Variants in ZNF12 observed in about 807,000 individuals in gnomAD.
ZNF12 encodes gonadotropin inducible transcription repressor 3.
ZNF12 carries 34 observed loss-of-function variants against 66.6 expected under a neutral mutation model. The ratio of observed to expected loss-of-function variants is 0.51; its 90% CI spans 0.39 to 0.68. The LOEUF (loss-of-function observed/expected upper bound fraction) is 0.68. Among genes scored for constraint, ZNF12 ranks in the 30% least tolerant of loss-of-function variants. The pLI, the probability that ZNF12 is intolerant of heterozygous loss-of-function variation, is 0.00. For synonymous variants in ZNF12, 320 were observed against 278.9 expected, an observed-to-expected ratio of 1.15 and a Z score of -1.47; for missense variants, 697 against 826.9, an observed-to-expected ratio of 0.84 and a Z score of 1.93.
Position 6,692,049 on chromosome 7 carries a change from T to G in ZNF12, c.893A>C (p.Glu298Ala). 6.2e-7 allele frequency: 1 copy of G among 1,613,706 alleles called. No homozygotes were observed. Among genetic ancestry groups the G allele is most frequent in the African/African-American group, 1.3e-5 (1 of 75,022 alleles). The change falls in exon 5 of 5, where the codon GAA becomes GCA. Residue 298 changes from glutamate to alanine, a missense_variant. Glu to Ala is a moderately radical substitution (Grantham distance 107, BLOSUM62 -1). This residue lies in a region of ZNF12 where 401 missense variants were observed against 519.0 expected (regional missense o/e 0.77). Coordinates refer to ENST00000405858, the MANE Select transcript of ZNF12 (RefSeq NM_016265.4). This position sits in a 1 kb window ranked among gnomAD's most constrained non-coding sequence, Gnocchi z 5.1. ...QRTHTGEKPY[E>A]CNQCGKSFCQ... ...GAAGGATTTCCCACACTGATTACATTCGTAAGGTTTCTCTCCTGTGTGAGT... is the reference window on the plus strand; with the variant it reads ...GAAGGATTTCCCACACTGATTACATGCGTAAGGTTTCTCTCCTGTGTGAGT...
Position 6,690,891 on chromosome 7 carries a change from C to T in ZNF12, c.2051G>A (p.Arg684Lys). The change falls in exon 5 of 5, where the codon AGG becomes AAG. Residue 684 changes from arginine (R) to lysine (K), a missense_variant. Arg to Lys is a conservative substitution (Grantham distance 26). This residue lies in a region of ZNF12 where 401 missense variants were observed against 519.0 expected (regional missense o/e 0.77). Transcript: ENST00000405858. ...ATCTATTACATTCATATTGCCTCTCCTATGAATTCTCTGATGGCTGTTGAA... is the reference window on the plus strand; with the variant it reads ...ATCTATTACATTCATATTGCCTCTCTTATGAATTCTCTGATGGCTGTTGAA... The part of the protein sequence containing the change: ...SAFNSHQRIH[R>K]RGNMNVIDVG... 1 of 1,613,798 alleles carries T rather than the reference C, an allele frequency of 6.2e-7. No individual in the cohort carries two copies. Among genetic ancestry groups the T allele is most frequent in the Non-Finnish European group, 8.5e-7 (1 of 1,179,836 alleles).
Position 6,697,803 on chromosome 7 carries a change from C to G in ZNF12, c.24G>C (p.Val8=). 6.2e-7 allele frequency: 1 copy of G among 1,614,150 alleles called. No homozygotes were observed. The highest frequency in any genetic ancestry group is 8.5e-7 in the Non-Finnish European group (1 of 1,180,040). The change falls in exon 3 of 5, where the codon GTG becomes GTC. Residue 8 remains valine, a synonymous_variant. Coordinates refer to ENST00000405858, the MANE Select transcript of ZNF12 (RefSeq NM_016265.4). This position sits in a 1 kb window ranked among gnomAD's most constrained non-coding sequence, Gnocchi z 6.1. Reference sequence around the variant, plus strand: ...AGTCCACAGCCACGTCCTTGAATGACACTGGCCCCTGAAATGGCACCGTGA... The same window carrying G: ...AGTCCACAGCCACGTCCTTGAATGAGACTGGCCCCTGAAATGGCACCGTGA... MNKSLGP[V]SFKDVAVDFT... is the part of the protein sequence containing the mutation.
rs530988016 is a variant in ZNF12, at chr7:6,705,180, C to T, written c.-7G>A. The T allele has an allele frequency of 6.2e-7, 1 of 1,613,610 alleles. No individual in the cohort carries two copies. The highest frequency in any genetic ancestry group is 8.5e-7 in the Non-Finnish European group (1 of 1,179,670). On this transcript the variant is annotated 5_prime_UTR_variant, in exon 2 of 5. Coordinates refer to ENST00000405858, the MANE Select transcript of ZNF12 (RefSeq NM_016265.4). This position sits in a 1 kb window ranked among gnomAD's most constrained non-coding sequence, Gnocchi z 4.0. ...TCACCAGGGATTTATTCATTTTCTG[C>T]TGCTCTTGGAAAAATCTGGAGGACT...
At position 6,697,658 on chromosome 7, in the gene ZNF12, G is replaced by A. The variant is rs948492252; in HGVS notation, c.142+27C>T. On this transcript the variant is annotated intron_variant, in intron 3 of 4. Transcript: ENST00000405858. This position sits in a 1 kb window ranked among gnomAD's most constrained non-coding sequence, Gnocchi z 6.1. Reference sequence around the variant, plus strand: ...TTTGTGAGAAATCCCATATATTTTAGCAACTGAGAAAGCAAGCTATCCTCA... The same window carrying A: ...TTTGTGAGAAATCCCATATATTTTAACAACTGAGAAAGCAAGCTATCCTCA... The A allele has an allele frequency of 3.1e-6, 5 of 1,612,760 alleles. No individual in the cohort carries two copies. The African/African-American group carries it at 5.3e-5, about 17-fold the overall frequency.
chr7:6,699,700 A>G (rs568123527), intron 2 of ZNF12, among the ~76,000 whole-genome samples: 16 of 152,188 alleles, frequency 1.1e-4, no homozygotes, highest in Non-Finnish European at 2.2e-4. Flanking sequence ...GGTTTCCTTT[A>G]TTCAAGTGGT....
In ZNF12 at chr7:6,692,336, A is replaced by C. The variant is rs1014365223; in HGVS notation, c.606T>G (p.Asn202Lys). The C allele has an allele frequency of 6.2e-7, 1 of 1,609,644 alleles. No individual in the cohort carries two copies. Residue 202 changes from asparagine to lysine, a missense_variant, in exon 5 of 5, where the codon AAT (asparagine) becomes AAG (lysine). Transcript: ENST00000405858. This position sits in a 1 kb window ranked among gnomAD's most constrained non-coding sequence, Gnocchi z 5.1. ...GAATTTTCTGATAAAGACTTTCTTC[A>C]TTTAGAGTATAAGGTTCCCCATTTT... ...FNQNGEPYTLNEESLYQKIRI... is the reference protein window; with the variant it reads ...FNQNGEPYTLKEESLYQKIRI...
chr7:6,690,650 T>C lies in ZNF12; in HGVS notation c.*198A>G. The stretch of plus-strand genomic sequence containing the variant: ...TTTATAAATTTTTACTTGTCTATAG[T>C]CTAGTATTGTTATACCATGTGGTCT... On this transcript the variant is annotated 3_prime_UTR_variant, in exon 5 of 5. Transcript: ENST00000405858. The C allele has an allele frequency of 1.8e-6, 1 of 561,808 alleles. No individual in the cohort carries two copies. Among genetic ancestry groups the C allele is most frequent in the South Asian group, 2.7e-5 (1 of 37,046 alleles). The allele number at this position is 561,808 out of a possible 1,614,324, so 34.8% of individuals were successfully genotyped here.
chr7:6,697,967 G>A lies in ZNF12; in HGVS notation c.16-156C>T, dbSNP rs983958778. 1.1e-6 allele frequency: 1 copy of A among 942,800 alleles called. No individual in the cohort carries two copies. Among genetic ancestry groups the A allele is most frequent in the South Asian group, 1.3e-5 (1 of 77,230 alleles). 58.4% of individuals were successfully genotyped at this position (942,800 alleles called of 1,614,324 possible). ...GAAACAAACATATCAGAAATACACT[G>A]TTCTGGGGTTCATTCAGTATACATC... On this transcript the variant is annotated intron_variant, in intron 2 of 4. Coordinates refer to ENST00000405858, the MANE Select transcript of ZNF12 (RefSeq NM_016265.4). The surrounding 1 kb of genome is among the most constrained non-coding windows in gnomAD (Gnocchi z 6.1).
rs1780063041 is a variant in ZNF12 at position 6,691,258 on chromosome 7, A to C, written c.1684T>G (p.Ser562Ala). The change falls in exon 5 of 5, where the codon TCA becomes GCA. Residue 562 changes from serine (S) to alanine (A), a missense_variant. By Grantham distance (99) the Ser-to-Ala change is moderately conservative (BLOSUM62 1). Around this residue, in one of 3 missense-constraint regions of ZNF12, gnomAD observed 401 missense variants for 519.0 expected, o/e 0.77. Transcript: ENST00000405858. The part of the protein sequence containing the change: ...YICGKFFSQM[S>A]YLTIHHRIHS... ...ATTCTATGATGTATAGTGAGGTATG[A>C]CATCTGAGAGAAGAATTTTCCACAT... 1 of 1,614,102 alleles carries C rather than the reference A, an allele frequency of 6.2e-7. No homozygotes were observed. Among genetic ancestry groups the C allele is most frequent in the African/African-American group, 1.3e-5 (1 of 75,026 alleles).
intron 4 of ZNF12, among the ~76,000 whole-genome samples, chr7:6,695,789 G>C (rs1780145563): frequency 3.3e-5 from 5 of 152,200 alleles, no homozygotes; most frequent in African/African-American, 1.2e-4. Context: ...AGGGAAGGGA[G>C]ATACAGAAGT....
rs111728447 is a variant in ZNF12 at position 6,691,949 on chromosome 7, C to T, written c.993G>A (p.Gly331=). 19 of 1,613,708 alleles carry T rather than the reference C, an allele frequency of 1.2e-5. No individual in the cohort carries two copies. The highest frequency in any genetic ancestry group is 1.6e-5 in the Non-Finnish European group (19 of 1,179,938). The part of the protein sequence containing the change: ...GEKPYECNEC[G]KNFYQKLHLI... ...GGTGTAACTTCTGGTAAAAGTTCTT[C>T]CCACATTCATTACATTCATAGGGCT... is the stretch of plus-strand genomic sequence containing the variant. Residue 331 remains glycine (G), a synonymous_variant, in exon 5 of 5, where the codon GGG becomes GGA. Transcript: ENST00000405858.
Position 6,698,075 on chromosome 7 carries a change from A to C in ZNF12, c.16-264T>G. The C allele has an allele frequency of 1.5e-6, 1 of 652,018 alleles. No individual in the cohort carries two copies. The highest frequency in any genetic ancestry group is 2.9e-6 in the Non-Finnish European group (1 of 348,232). The allele number at this position is 652,018 out of a possible 1,614,324, so 40.4% of individuals were successfully genotyped here. A position where few individuals can be genotyped will look rare whatever the true frequency, so the allele number is the denominator to read the frequency against. ...ATCCTGGCTGTTGGGAACTCTTAAC[A>C]CCAGCAGGGACGAATCTCACCCCTG... On this transcript the variant is annotated intron_variant, in intron 2 of 4. Transcript: ENST00000405858. The surrounding 1 kb of genome is among the most constrained non-coding windows in gnomAD (Gnocchi z 4.4).
Position 6,691,407 on chromosome 7 carries a change from T to A in ZNF12, c.1535A>T (p.His512Leu), listed in dbSNP as rs757386367. The change falls in exon 5 of 5, where the codon CAT becomes CTT. Residue 512 changes from histidine (H) to leucine (L), a missense_variant. Physicochemically the swap from His to Leu is moderately conservative, Grantham distance 99. This residue lies in a region of ZNF12 where 401 missense variants were observed against 519.0 expected (regional missense o/e 0.77). Coordinates refer to ENST00000405858, the MANE Select transcript of ZNF12 (RefSeq NM_016265.4). ...FSQLSYLTIH[H>L]RTHSGVKPYE... ...GGGTTTTACTCCTGAATGAGTTCTA[T>A]GATGGATAGTGAGGTATGACAACTG... 28 of 1,613,924 alleles carry A rather than the reference T, an allele frequency of 1.7e-5. No individual in the cohort carries two copies. The highest frequency in any genetic ancestry group is 2.3e-5 in the Non-Finnish European group (27 of 1,179,926).
Position 6,705,316 on chromosome 7 carries a change from G to A in ZNF12, c.-50-93C>T. ...CCAAAACCTACACAGAAAGTTCCAA[G>A]AAGTACATCTTGTGGGAGACTGTCC... On this transcript the variant is annotated intron_variant, in intron 1 of 4. Coordinates refer to ENST00000405858, the MANE Select transcript of ZNF12 (RefSeq NM_016265.4). This position sits in a 1 kb window ranked among gnomAD's most constrained non-coding sequence, Gnocchi z 4.0. The A allele has an allele frequency of 1.1e-6, 1 of 906,992 alleles. No individual in the cohort carries two copies. The highest frequency in any genetic ancestry group is 1.7e-6 in the Non-Finnish European group (1 of 583,378). 56.2% of individuals were successfully genotyped at this position (906,992 alleles called of 1,614,324 possible).
Position 6,705,067 on chromosome 7 carries a change from A to G in ZNF12, c.15+92T>C. On this transcript the variant is annotated intron_variant, in intron 2 of 4. Transcript: ENST00000405858. This position sits in a 1 kb window ranked among gnomAD's most constrained non-coding sequence, Gnocchi z 4.0. ...CTGACCAAATCTTGTATCTATTTCTACTTTCCCATTTTAAACTTTGAACCC... is the reference window on the plus strand; with the variant it reads ...CTGACCAAATCTTGTATCTATTTCTGCTTTCCCATTTTAAACTTTGAACCC... 1.4e-6 allele frequency: 2 copies of G among 1,448,184 alleles called. No individual in the cohort carries two copies. Among genetic ancestry groups the G allele is most frequent in the Admixed American group, 2.3e-5 (1 of 44,384 alleles). The allele number at this position is 1,448,184 out of a possible 1,614,324, so 89.7% of individuals were successfully genotyped here.
At chr7:6,702,499 C>CCCCCTAG (rs1780268285) in intron 2 of ZNF12, among the ~76,000 whole-genome samples, 1 of 103,036 alleles carries the variant, frequency 9.7e-6, no homozygotes, top group Non-Finnish European at 1.9e-5. Flanking sequence ...CACACACACA[C>CCCCCTAG]ACACACACAG....
Position 6,697,110 on chromosome 7 carries a change from G to A in ZNF12, c.238+229C>T, listed in dbSNP as rs976231493. ...GAGCAAGCAAAGACCCAAAGTTTAA[G>A]AGAACAACAGAAGTGACTGGAATTC... is the stretch of plus-strand genomic sequence containing the variant. On this transcript the variant is annotated intron_variant, in intron 4 of 4. Transcript: ENST00000405858. The surrounding 1 kb of genome is among the most constrained non-coding windows in gnomAD (Gnocchi z 6.1). 4.6e-5 allele frequency among the ~76,000 whole-genome samples: 7 copies of A among 152,072 alleles called. No individual in the cohort carries two copies. The highest frequency in any genetic ancestry group is 7.2e-5 in the African/African-American group (3 of 41,410).
intron 2 of ZNF12, among the ~76,000 whole-genome samples, chr7:6,701,466 G>A (rs1009489250): frequency 6.6e-5 from 10 of 152,128 alleles, no homozygotes; most frequent in Non-Finnish European, 1.2e-4. Flanking sequence ...TGCTCTAATC[G>A]CTTTCAGCTG....
In ZNF12 at chr7:6,692,874, TACAC is replaced by T; in HGVS notation, c.239-175_239-172del. Among the ~76,000 whole-genome samples the T allele has an allele frequency of 6.7e-6, 1 of 149,766 alleles. No individual in the cohort carries two copies. Among genetic ancestry groups the T allele is most frequent in the Non-Finnish European group, 1.5e-5 (1 of 67,860 alleles). On this transcript the variant is annotated intron_variant, in intron 4 of 4. Transcript: ENST00000405858. This position sits in a 1 kb window ranked among gnomAD's most constrained non-coding sequence, Gnocchi z 5.1. The stretch of plus-strand genomic sequence containing the variant: ...TCTCCTTTATGCTTTTGCTTAAAAT[TACAC>T]ACACACAAACACACACACACACACA...
Sources: allele counts gnomAD v4.1 joint callset (sites outside exome capture counted in the v4.1 genomes callset), GRCh38; gene constraint gnomAD v4.1.1; regional missense constraint gnomAD v4.1.1; non-coding constraint Gnocchi (gnomAD v3.1); transcripts MANE v1.5; gene names NCBI Gene and HGNC (gene_info 2026-07-23, HGNC 2026-07-21).